Variants in GRID2 observed in about 807,000 individuals in gnomAD.
GRID2 encodes glutamate ionotropic receptor delta type subunit 2, also known as glutamate receptor ionotropic, delta-2.
GRID2 carries 33 observed loss-of-function variants against 114.8 expected under a neutral mutation model. The ratio of observed to expected loss-of-function variants is 0.29; its 90% CI spans 0.22 to 0.38. The LOEUF is 0.38. GRID2 is among the 10% of genes least tolerant of loss of function. The pLI, the probability that GRID2 is intolerant of heterozygous loss-of-function variation, is 1.00. For synonymous variants in GRID2, 505 were observed against 449.9 expected, an observed-to-expected ratio of 1.12 and a Z score of -1.55; for missense variants, 1,184 against 1,257.7, an observed-to-expected ratio of 0.94 and a Z score of 0.89.
intron 14 of GRID2, among the ~76,000 whole-genome samples, chr4:93,630,682 T>C (rs1207988746): frequency 2.6e-5 from 4 of 152,182 alleles, no homozygotes; most frequent in South Asian, 2.1e-4. Flanking sequence ...GTGACACATA[T>C]ATAAACAGTT....
At chr4:93,020,063 T>C (rs1400540719) in intron 2 of GRID2, among the ~76,000 whole-genome samples, 1 of 152,154 alleles carries the variant, frequency 6.6e-6, no homozygotes, top group Non-Finnish European at 1.5e-5. Context: ...TCACAATTTA[T>C]AAAACGGGAA....
chr4:92,642,543 A>G (rs980070141), intron 2 of GRID2, among the ~76,000 whole-genome samples: 1 of 151,870 alleles, frequency 6.6e-6, no homozygotes, highest in Admixed American at 6.6e-5. Flanking sequence ...CCTTTGTCAG[A>G]TGCATAGTTT....
intron 2 of GRID2, among the ~76,000 whole-genome samples, chr4:93,084,104 A>G (rs560942513): frequency 6.6e-6 from 1 of 151,620 alleles, no homozygotes; most frequent in African/African-American, 2.4e-5. Context: ...TTTTTCATTG[A>G]TTTCTTCACT....
intron 2 of GRID2, among the ~76,000 whole-genome samples, chr4:92,989,705 T>A (rs193118738): frequency 6.6e-6 from 1 of 152,266 alleles, no homozygotes; most frequent in East Asian, 1.9e-4. Flanking sequence ...AATATATGCA[T>A]CTGCTGCACT....
At chr4:93,244,460 G>C (rs1487725847) in intron 8 of GRID2, among the ~76,000 whole-genome samples, 2 of 148,346 alleles carry the variant, frequency 1.3e-5, no homozygotes, top group Admixed American at 1.4e-4. Flanking sequence ...CTAATGTACT[G>C]CTTCGCAAAG....
intron 14 of GRID2, among the ~76,000 whole-genome samples, chr4:93,661,274 G>A (rs917743114): frequency 1.8e-4 from 27 of 152,174 alleles, no homozygotes; most frequent in African/African-American, 6.3e-4. Flanking sequence ...CGATGCTTAA[G>A]TTTCCAGCTG....
intron 2 of GRID2, among the ~76,000 whole-genome samples, chr4:92,712,888 A>G (rs1399650520): frequency 3.9e-5 from 6 of 152,190 alleles, no homozygotes; most frequent in Admixed American, 1.3e-4. Context: ...TAGCTACTGT[A>G]TGTAACTCAG....
intron 13 of GRID2, among the ~76,000 whole-genome samples, chr4:93,549,727 G>A (rs1391731480): frequency 6.6e-6 from 1 of 152,132 alleles, no homozygotes; most frequent in Non-Finnish European, 1.5e-5. Flanking sequence ...ATAAAAAGGA[G>A]AGAACTTTTC....
At chr4:93,777,080 A>G (rs565300263), downstream of GRID2, among the ~76,000 whole-genome samples, 35 of 152,276 alleles carry the variant, frequency 2.3e-4, no homozygotes, top group South Asian at 6.6e-3. Flanking sequence ...CATAAACCCA[A>G]TGAATGTAAA....
chr4:92,381,570 T>C (rs1729619180), intron 1 of GRID2, among the ~76,000 whole-genome samples: 2 of 152,110 alleles, frequency 1.3e-5, no homozygotes, highest in African/African-American at 2.4e-5. Flanking sequence ...TGTCACTTGC[T>C]CAATTCCATC....
chr4:93,176,068 A>C (rs2149428972), intron 4 of GRID2, among the ~76,000 whole-genome samples: 1 of 152,338 alleles, frequency 6.6e-6, no homozygotes, highest in South Asian at 2.1e-4. Context: ...AATTATAATT[A>C]TTGGTTTAAT....
At chr4:93,604,244 C>T (rs1739978610) in intron 13 of GRID2, among the ~76,000 whole-genome samples, 1 of 152,080 alleles carries the variant, frequency 6.6e-6, no homozygotes, top group South Asian at 2.1e-4. Context: ...CATTCCAACC[C>T]CCATAGATGA....
intron 3 of GRID2, among the ~76,000 whole-genome samples, chr4:93,108,240 C>G (rs1042271896): frequency 3.9e-5 from 6 of 152,164 alleles, no homozygotes; most frequent in Non-Finnish European, 8.8e-5. Context: ...TGTTTTCTTC[C>G]AAACACTTAG....
At chr4:93,306,196 G>A (rs1325150848) in intron 8 of GRID2, 2 of 152,162 alleles carry the variant, frequency 1.3e-5, no homozygotes, top group African/African-American at 4.8e-5. Context: ...GAGATAACAA[G>A]GAGTTGAGAC....
At chr4:92,492,900 G>A (rs371931983) in intron 1 of GRID2, among the ~76,000 whole-genome samples, 13 of 152,122 alleles carry the variant, frequency 8.5e-5, no homozygotes, top group African/African-American at 2.2e-4. Context: ...AGGCCTAGGC[G>A]CGCGGATCAC....
intron 3 of GRID2, among the ~76,000 whole-genome samples, chr4:93,110,005 T>C (rs1032308070): frequency 1.3e-5 from 2 of 152,154 alleles, no homozygotes; most frequent in African/African-American, 4.8e-5. Context: ...TATTTTGGAA[T>C]AAGTATGTAA....
At chr4:92,924,684 G>A (rs1009653099) in intron 2 of GRID2, among the ~76,000 whole-genome samples, 1 of 152,098 alleles carries the variant, frequency 6.6e-6, no homozygotes, top group Non-Finnish European at 1.5e-5. Flanking sequence ...CAAAAACACA[G>A]CATGACAACA....
chr4:93,568,776 T>TA (rs1735670036), intron 13 of GRID2, among the ~76,000 whole-genome samples: 1 of 152,174 alleles, frequency 6.6e-6, no homozygotes, highest in Non-Finnish European at 1.5e-5. Context: ...GGGATCTTGT[T>TA]AAAATGAAGC....
At chr4:93,675,061 T>C (rs1258229093) in intron 14 of GRID2, among the ~76,000 whole-genome samples, 11 of 152,194 alleles carry the variant, frequency 7.2e-5, no homozygotes, top group Non-Finnish European at 1.5e-4. Context: ...AATGGTCCTA[T>C]ATATGTAAAG....
Sources: allele counts gnomAD v4.1 joint callset (sites outside exome capture counted in the v4.1 genomes callset), GRCh38; gene constraint gnomAD v4.1.1; transcripts MANE v1.5; gene names NCBI Gene and HGNC (gene_info 2026-07-23, HGNC 2026-07-21).